Variants in LPCAT2 observed in about 807,000 individuals in gnomAD.
The protein encoded by LPCAT2 is 1-AGP acyltransferase 11.
LPCAT2 carries 58 observed loss-of-function variants against 64.7 expected under a neutral mutation model. The ratio of observed to expected loss-of-function variants is 0.90; its 90% CI spans 0.73 to 1.12. The LOEUF (loss-of-function observed/expected upper bound fraction) is 1.12. Ranked by LOEUF, LPCAT2 falls within the 50% of genes most tolerant of loss-of-function variation. LPCAT2 has a pLI of 0.00. For synonymous variants in LPCAT2, 252 were observed against 245.3 expected (o/e 1.03, Z -0.26); for missense variants, 579 against 669.8 (o/e 0.86, Z 1.50).
At chr16:55,533,054 A>T (rs1270631788) in intron 6 of LPCAT2, among the ~76,000 whole-genome samples, 172 bp downstream of exon 6, 2 of 152,178 alleles carry the variant, frequency 1.3e-5, no homozygotes, top group Non-Finnish European at 2.9e-5. Context: ...AGATAGGCAC[A>T]TATCCATTGA....
chr16:55,531,073 T>C (rs1963246836), intron 4 of LPCAT2, among the ~76,000 whole-genome samples: 1 of 152,168 alleles, frequency 6.6e-6, no homozygotes, highest in African/African-American at 2.4e-5. Flanking sequence ...TATCCCGTTG[T>C]CATAGGAAAC....
chr16:55,542,952 T>G (rs1356770355), intron 8 of LPCAT2, among the ~76,000 whole-genome samples: 1 of 152,146 alleles, frequency 6.6e-6, no homozygotes, highest in Admixed American at 6.5e-5. Context: ...ACTTGGGGGC[T>G]TGAAGTCATT....
At chr16:55,573,015 G>T (rs955895929) in intron 11 of LPCAT2, among the ~76,000 whole-genome samples, 2 of 152,198 alleles carry the variant, frequency 1.3e-5, no homozygotes, top group Non-Finnish European at 2.9e-5. Flanking sequence ...CAGATGACCT[G>T]AATGTTTGTT....
chr16:55,531,878 A>T (rs1596859063), intron 4 of LPCAT2, 36 bp from the exon 5 acceptor site: 1 of 1,291,660 alleles, frequency 7.7e-7, no homozygotes, highest in Non-Finnish European at 1.1e-6. Flanking sequence ...TTTATTAATT[A>T]GATTGAAATA....
At chr16:55,573,764 C>T (rs141946776) in intron 11 of LPCAT2, among the ~76,000 whole-genome samples, 70 of 152,066 alleles carry the variant, frequency 4.6e-4, no homozygotes, top group African/African-American at 1.7e-3. Flanking sequence ...GTCCCTTCTC[C>T]TCTACTCCCT....
Position 55,585,679 on chromosome 16 carries a change from A to G in LPCAT2, c.*2581A>G, listed in dbSNP as rs1040019962. 4.6e-5 allele frequency: 7 copies of G among 152,206 alleles called. No homozygotes were observed. Among genetic ancestry groups the G allele is most frequent in the African/African-American group, 1.4e-4 (6 of 41,460 alleles). The allele number at this position is 152,206 out of a possible 1,614,324, so 9.4% of individuals were successfully genotyped here. On this transcript the variant is annotated 3_prime_UTR_variant, in exon 14 of 14. Coordinates refer to ENST00000262134, the MANE Select transcript of LPCAT2 (RefSeq NM_017839.5). ...ACTGCTTACAGACCAAGTTGCTTGC[A>G]TTTTGTATGTTTAGCCCTCCTTTGC...
intron 9 of LPCAT2, among the ~76,000 whole-genome samples, chr16:55,546,335 T>C (rs1336585551): frequency 2.6e-5 from 4 of 152,200 alleles, no homozygotes; most frequent in Admixed American, 2.6e-4. Context: ...TAACTGGCCA[T>C]TATTCTGACT....
At chr16:55,511,745 G>C (rs1052580001) in intron 1 of LPCAT2, among the ~76,000 whole-genome samples, 6 of 152,162 alleles carry the variant, frequency 3.9e-5, no homozygotes, top group Non-Finnish European at 8.8e-5. Context: ...AGAAAAAAAA[G>C]TTGCCTAATA....
chr16:55,531,440 T>C (rs926253559), intron 4 of LPCAT2, among the ~76,000 whole-genome samples: 1 of 152,152 alleles, frequency 6.6e-6, no homozygotes, highest in African/African-American at 2.4e-5. Flanking sequence ...CTAATTCAAG[T>C]AAACATGAAG....
chr16:55,564,273 C>T (rs1224217707), intron 11 of LPCAT2, among the ~76,000 whole-genome samples: 1 of 151,818 alleles, frequency 6.6e-6, no homozygotes, highest in African/African-American at 2.4e-5. Flanking sequence ...CAGTACTTCC[C>T]ACAGTGATCT....
At chr16:55,523,881 T>C (rs577077034) in intron 1 of LPCAT2, among the ~76,000 whole-genome samples, 1 of 151,948 alleles carries the variant, frequency 6.6e-6, no homozygotes, top group East Asian at 1.9e-4. Flanking sequence ...ATCTATAAAC[T>C]TAAAATAGGT....
intron 13 of LPCAT2, among the ~76,000 whole-genome samples, chr16:55,580,316 A>C (rs763737110): frequency 6.6e-6 from 1 of 152,208 alleles, no homozygotes; most frequent in Non-Finnish European, 1.5e-5. Flanking sequence ...ATGAGTCATA[A>C]ATTCAAGTGT....
chr16:55,522,402 C>T (rs1159141842), intron 1 of LPCAT2, among the ~76,000 whole-genome samples: 1 of 151,616 alleles, frequency 6.6e-6, no homozygotes, highest in Non-Finnish European at 1.5e-5. Context: ...TGACAATTTC[C>T]TCCAAATTGA....
Position 55,544,622 on chromosome 16 carries a change from T to C in LPCAT2, c.853-1113T>C, listed in dbSNP as rs1963432995. ...GTAACTATTGGCAAAATCTCACTTATTCTTAAAAAGCCAACATCAAGTATT... is the reference window on the plus strand; with the variant it reads ...GTAACTATTGGCAAAATCTCACTTACTCTTAAAAAGCCAACATCAAGTATT... On this transcript the variant is annotated intron_variant, in intron 8 of 13. Coordinates refer to ENST00000262134, the MANE Select transcript of LPCAT2 (RefSeq NM_017839.5). Among the ~76,000 whole-genome samples, 3 of 152,220 alleles carry C rather than the reference T, an allele frequency of 2.0e-5. No individual in the cohort carries two copies. In the South Asian group the frequency reaches 6.2e-4, roughly 32 times the overall value.
chr16:55,537,974 AG>A (rs1266708118), intron 8 of LPCAT2, among the ~76,000 whole-genome samples: 14 of 152,216 alleles, frequency 9.2e-5, no homozygotes, highest in African/African-American at 3.4e-4. Flanking sequence ...ACCTCCTTAA[AG>A]AAAATGTTTT....
At chr16:55,541,126 GT>G (rs1963390775) in intron 8 of LPCAT2, 1 of 152,066 alleles carries the variant, frequency 6.6e-6, no homozygotes, top group Non-Finnish European at 1.5e-5. Flanking sequence ...ATGGTTGACT[GT>G]TGGTAACTGA....
intron 1 of LPCAT2, among the ~76,000 whole-genome samples, chr16:55,514,890 T>TTGTGTGTGTGTGTGTGTGTG (rs35295405): frequency 3.5e-5 from 5 of 141,236 alleles, no homozygotes; most frequent in Non-Finnish European, 7.7e-5. Context: ...ATGCAATGCA[T>TTGTGTGTGTGTGTGTGTGTG]TGTGTGTGTG....
chr16:55,576,093 C>T (rs558117178), intron 12 of LPCAT2, among the ~76,000 whole-genome samples: 11 of 151,536 alleles, frequency 7.3e-5, no homozygotes, highest in Admixed American at 2.0e-4. Flanking sequence ...ACAGTAATTA[C>T]GATTTGAAAG....
intron 9 of LPCAT2, among the ~76,000 whole-genome samples, chr16:55,547,617 C>A (rs1963468181): frequency 6.6e-6 from 1 of 152,154 alleles, no homozygotes. Context: ...TTTCCTGTTA[C>A]CAAAGCCCAA....
Sources: allele counts gnomAD v4.1 joint callset (sites outside exome capture counted in the v4.1 genomes callset), GRCh38; gene constraint gnomAD v4.1.1; transcripts MANE v1.5; gene names NCBI Gene and HGNC (gene_info 2026-07-23, HGNC 2026-07-21).